The following PARD3 variants were observed in gnomAD, a reference collection of about 807,000 sequenced individuals.
PARD3 encodes partitioning defective 3 homolog.
PARD3 carries 75 observed loss-of-function variants against 155.4 expected under a neutral mutation model. The ratio of observed to expected loss-of-function variants is 0.48; its 90% CI spans 0.40 to 0.58. PARD3 has a LOEUF of 0.58. Among genes scored for constraint, PARD3 ranks in the 20% least tolerant of loss-of-function variants. The pLI is 0.00. For missense variants in PARD3, 1,642 were observed against 1,721.7 expected (o/e 0.95, Z 0.82); for synonymous variants, 576 against 610.5 (o/e 0.94, Z 0.83).
chr10:34,429,763 T>C (rs185639253), intron 5 of PARD3, among the ~76,000 whole-genome samples: 1 of 152,284 alleles, frequency 6.6e-6, no homozygotes, highest in East Asian at 1.9e-4. Flanking sequence ...TTTTTTGTAT[T>C]TTTAGTAGAG....
chr10:34,559,939 A>C (rs1312142858), intron 2 of PARD3, among the ~76,000 whole-genome samples: 1 of 152,186 alleles, frequency 6.6e-6, no homozygotes, highest in African/African-American at 2.4e-5. Context: ...GGGCATTTAA[A>C]ATGAGTCAGT....
intron 7 of PARD3, among the ~76,000 whole-genome samples, chr10:34,395,121 A>G (rs1367268725): frequency 1.3e-5 from 2 of 152,082 alleles, no homozygotes; most frequent in East Asian, 3.9e-4. Flanking sequence ...TGCAAACTCT[A>G]TCTCCTGGGT....
intron 2 of PARD3, among the ~76,000 whole-genome samples, chr10:34,548,308 G>A (rs1317716631): frequency 6.6e-6 from 1 of 151,958 alleles, no homozygotes; most frequent in Non-Finnish European, 1.5e-5. Flanking sequence ...GGGCAATGTG[G>A]CAAAACCCTA....
At chr10:34,144,198 AT>A (rs895132163) in intron 22 of PARD3, among the ~76,000 whole-genome samples, 33 of 151,124 alleles carry the variant, frequency 2.2e-4, no homozygotes, top group African/African-American at 5.1e-4. Context: ...TGTCAATTAC[AT>A]TTTTTTTTCA....
At chr10:34,369,622 C>A (rs1242342869) in intron 12 of PARD3, among the ~76,000 whole-genome samples, 1 of 152,108 alleles carries the variant, frequency 6.6e-6, no homozygotes, top group African/African-American at 2.4e-5. Flanking sequence ...GTATAAATCA[C>A]ATATAGTTCC....
intron 1 of PARD3, among the ~76,000 whole-genome samples, chr10:34,800,515 G>A (rs1242079619): frequency 6.6e-6 from 1 of 151,934 alleles, no homozygotes; most frequent in Non-Finnish European, 1.5e-5. Context: ...GGAGGCTGAG[G>A]CAGGAGAATT....
intron 14 of PARD3, among the ~76,000 whole-genome samples, chr10:34,354,868 C>T (rs1009013647): frequency 3.9e-5 from 6 of 152,178 alleles, no homozygotes; most frequent in Admixed American, 6.5e-5. Flanking sequence ...CAGGGACTGA[C>T]GTGATTAATG....
intron 1 of PARD3, among the ~76,000 whole-genome samples, chr10:34,781,015 T>C (rs1048928283): frequency 6.6e-6 from 1 of 152,220 alleles, no homozygotes; most frequent in African/African-American, 2.4e-5. Context: ...ACTTTGTACT[T>C]TCCTTGAACT....
chr10:34,311,709 A>G (rs1203549298), intron 20 of PARD3, among the ~76,000 whole-genome samples: 1 of 152,168 alleles, frequency 6.6e-6, no homozygotes, highest in Non-Finnish European at 1.5e-5. Context: ...TGGTTCAGCC[A>G]TCTAAGCACA....
chr10:34,794,432 A>C (rs575048456), intron 1 of PARD3, among the ~76,000 whole-genome samples: 83 of 152,304 alleles, frequency 5.4e-4, no homozygotes, highest in African/African-American at 1.8e-3. Flanking sequence ...AATTTCTATC[A>C]TTTTCCAAAA....
intron 9 of PARD3, among the ~76,000 whole-genome samples, chr10:34,378,749 C>T (rs187369122): frequency 6.6e-6 from 1 of 152,300 alleles, no homozygotes; most frequent in East Asian, 1.9e-4. Flanking sequence ...GCAAATTACT[C>T]AGTGAAGACT....
At position 34,633,892 on chromosome 10, in the gene PARD3, A is replaced by C. The variant is rs911767015; in HGVS notation, c.222+62426T>G. Among the ~76,000 whole-genome samples the C allele has an allele frequency of 3.3e-5, 5 of 152,294 alleles. No individual in the cohort carries two copies. In the South Asian group the frequency reaches 8.3e-4, roughly 25 times the overall value. On this transcript the variant is annotated intron_variant, in intron 2 of 24. Coordinates refer to ENST00000374788, the MANE Select transcript of PARD3 (RefSeq NM_001184785.2). Reference sequence around the variant, plus strand: ...GCTATTCTAACAAGAGGGAGGTGACATTTCACTGTGGCTTCACTTTTCCTT... The same window carrying C: ...GCTATTCTAACAAGAGGGAGGTGACCTTTCACTGTGGCTTCACTTTTCCTT...
At chr10:34,171,273 G>A (rs1009953900) in intron 22 of PARD3, among the ~76,000 whole-genome samples, 2 of 152,154 alleles carry the variant, frequency 1.3e-5, no homozygotes, top group East Asian at 1.9e-4. Context: ...AAACTGAAAC[G>A]CTCAAAAAAG....
Position 34,506,571 on chromosome 10 carries a change from G to T in PARD3, c.403+10408C>A, listed in dbSNP as rs150372538. 9.3e-3 allele frequency among the ~76,000 whole-genome samples: 1,415 copies of T among 152,298 alleles called. 27 individuals carry two copies. The highest frequency in any genetic ancestry group is 0.033 in the African/African-American group (1,354 of 41,588). ...GCAGATATAAATGACATGATACACT[G>T]AAGAGAGTATAATGTTATCTAAGTC... On this transcript the variant is annotated intron_variant, in intron 3 of 24. Coordinates refer to ENST00000374788, the MANE Select transcript of PARD3 (RefSeq NM_001184785.2).
chr10:34,528,539 T>C (rs2082626644), intron 2 of PARD3, among the ~76,000 whole-genome samples: 1 of 152,192 alleles, frequency 6.6e-6, no homozygotes. Flanking sequence ...TTTTGTTTTG[T>C]TTTGTTTTGT....
In PARD3 at chr10:34,814,828, G is replaced by GCCGTCCCCGCCGCCGCC. The variant is rs1358383340; in HGVS notation, c.120+31_120+47dup. The GCCGTCCCCGCCGCCGCC allele has an allele frequency of 4.0e-6, 5 of 1,258,818 alleles. No homozygotes were observed. In the East Asian group the frequency reaches 9.0e-5, roughly 23 times the overall value. The allele number at this position is 1,258,818 out of a possible 1,614,324, so 78.0% of individuals were successfully genotyped here. Reference sequence around the variant, plus strand: ...CAGGAAGCGCCATATTGATCCCGGCGCCGTCCCCGCCGCCGCCCCCTCCCC... The same window carrying GCCGTCCCCGCCGCCGCC: ...CAGGAAGCGCCATATTGATCCCGGCGCCGTCCCCGCCGCCGCCCCGTCCCCGCCGCCGCCCCCTCCCC... On this transcript the variant is annotated intron_variant, in intron 1 of 24. Transcript: ENST00000374788.
intron 2 of PARD3, among the ~76,000 whole-genome samples, chr10:34,684,226 A>G (rs553234544): frequency 6.6e-6 from 1 of 152,350 alleles, no homozygotes; most frequent in Non-Finnish European, 1.5e-5. Flanking sequence ...AACGAAAACA[A>G]AACAGTGAAC....
In PARD3 at chr10:34,482,432, A is replaced by G. The variant is rs560008285; in HGVS notation, c.404-12169T>C. On this transcript the variant is annotated intron_variant, in intron 3 of 24. Transcript: ENST00000374788. Reference sequence around the variant, plus strand: ...GCAGTCCTGCTGTCTCGGTCTCCCAAAGCGCTGGGATTACAGGTGTGAGCC... The same window carrying G: ...GCAGTCCTGCTGTCTCGGTCTCCCAGAGCGCTGGGATTACAGGTGTGAGCC... Among the ~76,000 whole-genome samples, 16 of 152,222 alleles carry G rather than the reference A, an allele frequency of 1.1e-4. No homozygotes were observed. The East Asian group carries it at 2.7e-3, about 26-fold the overall frequency.
chr10:34,497,292 ATATAG>A, intron 3 of PARD3, among the ~76,000 whole-genome samples: 1 of 152,340 alleles, frequency 6.6e-6, no homozygotes, highest in South Asian at 2.1e-4. Context: ...AATAAAAACA[ATATAG>A]TATAACAACT....
Sources: allele counts gnomAD v4.1 joint callset (sites outside exome capture counted in the v4.1 genomes callset), GRCh38; gene constraint gnomAD v4.1.1; transcripts MANE v1.5; gene names NCBI Gene and HGNC (gene_info 2026-07-23, HGNC 2026-07-21).